The following ANAPC16 variants were observed in gnomAD, a reference collection of about 807,000 sequenced individuals.
ANAPC16 encodes the protein anaphase promoting complex subunit 16, also known as anaphase-promoting complex subunit 16.
Under a neutral mutation model 13.1 loss-of-function variants are expected in ANAPC16, and 6 were observed. That is an observed-to-expected ratio of 0.46 (90% confidence interval 0.25 to 0.90). The LOEUF is 0.90. Ranked by LOEUF, ANAPC16 falls within the 40% of genes least tolerant of loss-of-function variation. ANAPC16 has a pLI of 0.18. For missense variants in ANAPC16, 113 were observed against 131.1 expected (o/e 0.86, Z 0.67); for synonymous variants, 55 against 51.3 (o/e 1.07, Z -0.31).
chr10:72,235,670 G>A lies in ANAPC16; in HGVS notation c.*2554G>A, dbSNP rs1291050675. The A allele has an allele frequency of 6.6e-6, 1 of 152,164 alleles. No homozygotes were observed. The highest frequency in any genetic ancestry group is 1.5e-5 in the Non-Finnish European group (1 of 68,038). The allele number at this position is 152,164 out of a possible 1,614,324, so 9.4% of individuals were successfully genotyped here. A position where few individuals can be genotyped will look rare whatever the true frequency, so the allele number is the denominator to read the frequency against. ...AATAAACCTTTAAATTGGATTTTCAGTGAGAATTTAGAAGCAATCACTACC... is the reference window on the plus strand; with the variant it reads ...AATAAACCTTTAAATTGGATTTTCAATGAGAATTTAGAAGCAATCACTACC... On this transcript the variant is annotated 3_prime_UTR_variant, in exon 4 of 4. Transcript: ENST00000299381.
chr10:72,227,677 C>G (rs1221529416), intron 2 of ANAPC16, among the ~76,000 whole-genome samples: 2 of 151,976 alleles, frequency 1.3e-5, no homozygotes, highest in Non-Finnish European at 2.9e-5. Context: ...ATAGGTGATA[C>G]TATTCTATTA....
chr10:72,217,668 C>T lies in ANAPC16; in HGVS notation c.-28+1530C>T, dbSNP rs1312051244. On this transcript the variant is annotated intron_variant, in intron 1 of 3. Coordinates refer to ENST00000299381, the MANE Select transcript of ANAPC16 (RefSeq NM_173473.4). The stretch of plus-strand genomic sequence containing the variant: ...GAAAAAAGACTCAGTAGTAACTCTC[C>T]GTTAATGACTTTGAATAGCCAAGAT... 2.0e-5 allele frequency among the ~76,000 whole-genome samples: 3 copies of T among 152,002 alleles called. 1 individual carries two copies. Among genetic ancestry groups the T allele is most frequent in the African/African-American group, 7.2e-5 (3 of 41,444 alleles).
At chr10:72,220,325 C>CAAAAAAAAAAAAAAAAAAAAAAA (rs75738117) in intron 1 of ANAPC16, 3 of 63,710 alleles carry the variant, frequency 4.7e-5, no homozygotes, top group African/African-American at 1.6e-4. Flanking sequence ...AACTCCGTCT[C>CAAAAAAAAAAAAAAAAAAAAAAA]AAAAAAAAAA....
At chr10:72,226,910 T>G (rs888222560) in intron 2 of ANAPC16, among the ~76,000 whole-genome samples, 12 of 152,278 alleles carry the variant, frequency 7.9e-5, no homozygotes, top group African/African-American at 2.9e-4. Context: ...CCTTTTTATT[T>G]TCTTTAATTG....
In ANAPC16 at chr10:72,224,064, C is replaced by T. The variant is rs776172325; in HGVS notation, c.142+8C>T. 7.0e-6 allele frequency: 11 copies of T among 1,572,978 alleles called. No homozygotes were observed. The South Asian group carries it at 1.3e-4, about 18-fold the overall frequency. The stretch of plus-strand genomic sequence containing the variant: ...CTGGAGAGATGTTAGAAGGTGATCT[C>T]ATGCTGCTTTCTGAATAATTGGATT... On this transcript the variant is annotated splice_region_variant and intron_variant, in intron 2 of 3. Coordinates refer to ENST00000299381, the MANE Select transcript of ANAPC16 (RefSeq NM_173473.4).
intron 3 of ANAPC16, among the ~76,000 whole-genome samples, chr10:72,231,297 G>T (rs1860293613): frequency 6.6e-6 from 1 of 152,150 alleles, no homozygotes; most frequent in South Asian, 2.1e-4. Flanking sequence ...CAGCACGTTG[G>T]GAGGCTGAAG....
At chr10:72,219,247 A>G (rs548265979) in intron 1 of ANAPC16, among the ~76,000 whole-genome samples, 2 of 152,308 alleles carry the variant, frequency 1.3e-5, no homozygotes, top group South Asian at 2.1e-4. Context: ...GAATTCACTT[A>G]GAGATTTGGA....
chr10:72,217,069 G>A, intron 1 of ANAPC16: 1 of 454,104 alleles, frequency 2.2e-6, no homozygotes, highest in South Asian at 1.6e-5. Context: ...CATCCGAAAT[G>A]CTCGGGACTG....
At chr10:72,227,750 G>C (rs1431726774) in intron 2 of ANAPC16, among the ~76,000 whole-genome samples, 3 of 151,922 alleles carry the variant, frequency 2.0e-5, no homozygotes, top group African/African-American at 7.3e-5. Context: ...GAAAATAGAG[G>C]CCGGGCACGG....
In ANAPC16 at chr10:72,230,360, T is replaced by C; in HGVS notation, c.143-6T>C. The C allele has an allele frequency of 6.2e-7, 1 of 1,613,484 alleles. No homozygotes were observed. The highest frequency in any genetic ancestry group is 8.5e-7 in the Non-Finnish European group (1 of 1,179,504). The stretch of plus-strand genomic sequence containing the variant: ...AGATTAAAACCTTTTCTCCTTTTGT[T>C]TGTAGATGGCTCTGAGAGATTCCTC... On this transcript the variant is annotated splice_polypyrimidine_tract_variant and splice_region_variant and intron_variant, in intron 2 of 3. Coordinates refer to ENST00000299381, the MANE Select transcript of ANAPC16 (RefSeq NM_173473.4).
intron 1 of ANAPC16, among the ~76,000 whole-genome samples, chr10:72,221,861 CT>C (rs1859948760): frequency 6.6e-6 from 1 of 150,958 alleles, no homozygotes. Context: ...TCTCAAGTAG[CT>C]GGGATTACAG....
chr10:72,227,873 A>C (rs1314323823), intron 2 of ANAPC16, among the ~76,000 whole-genome samples: 1 of 144,080 alleles, frequency 6.9e-6, no homozygotes, highest in Non-Finnish European at 1.5e-5. Flanking sequence ...TCTACTAAAA[A>C]TACAAAAAAA....
At chr10:72,232,399 C>A (rs1046087947) in intron 3 of ANAPC16, among the ~76,000 whole-genome samples, 3 of 150,958 alleles carry the variant, frequency 2.0e-5, no homozygotes, top group Admixed American at 2.0e-4. Context: ...AAAAACTTAG[C>A]TGGGCACGAT....
chr10:72,218,940 G>A (rs894753556), intron 1 of ANAPC16, among the ~76,000 whole-genome samples: 3 of 152,200 alleles, frequency 2.0e-5, no homozygotes, highest in Non-Finnish European at 2.9e-5. Flanking sequence ...AAGGGAGTTC[G>A]TTTGATTATA....
Position 72,235,753 on chromosome 10 carries a change from G to A in ANAPC16, c.*2637G>A, listed in dbSNP as rs879258947. The A allele has an allele frequency of 4.5e-4, 68 of 152,152 alleles. No individual in the cohort carries two copies. Among genetic ancestry groups the A allele is most frequent in the African/African-American group, 1.6e-3 (66 of 41,506 alleles). 9.4% of individuals were successfully genotyped at this position (152,152 alleles called of 1,614,324 possible). A position where few individuals can be genotyped will look rare whatever the true frequency, so the allele number is the denominator to read the frequency against. ...AGGCACTGTGTTACATCATCTTTAC[G>A]CTTTGGTATTTGAACTTATTACAGA... is the stretch of plus-strand genomic sequence containing the variant. On this transcript the variant is annotated 3_prime_UTR_variant, in exon 4 of 4. Transcript: ENST00000299381.
chr10:72,232,621 T>A (rs2133697930), intron 3 of ANAPC16, among the ~76,000 whole-genome samples: 1 of 150,824 alleles, frequency 6.6e-6, no homozygotes, highest in South Asian at 2.1e-4. Context: ...TTTTTTTTTT[T>A]TGAGACGGAT....
chr10:72,232,186 CAAAAAA>C lies in ANAPC16; in HGVS notation c.218-793_218-788del, dbSNP rs1194817055. Among the ~76,000 whole-genome samples the C allele has an allele frequency of 1.1e-3, 47 of 43,918 alleles. No homozygotes were observed. The East Asian group carries it at 0.013, about 13-fold the overall frequency. The allele number at this position is 43,918 out of a possible 152,430, so 28.8% of individuals were successfully genotyped here. A position where few individuals can be genotyped will look rare whatever the true frequency, so the allele number is the denominator to read the frequency against. On this transcript the variant is annotated intron_variant, in intron 3 of 3. Transcript: ENST00000299381. ...GGGCAATAAGGGTGAAACTCTGTCT[CAAAAAA>C]AAAAAAAAAAAAAAAAAAAAATTAA...
intron 1 of ANAPC16, among the ~76,000 whole-genome samples, chr10:72,221,314 T>A (rs1859922209): frequency 6.6e-6 from 1 of 152,146 alleles, no homozygotes; most frequent in South Asian, 2.1e-4. Flanking sequence ...AAAGTTATTT[T>A]TAATCTAAAT....
chr10:72,218,161 AAAAAATATATATAT>A (rs1354657526), intron 1 of ANAPC16, among the ~76,000 whole-genome samples: 59 of 40,246 alleles, frequency 1.5e-3, no homozygotes, highest in Middle Eastern at 0.012. Flanking sequence ...AAAAAAAAAA[AAAAAATATATATAT>A]ATATATATAT....
Sources: allele counts gnomAD v4.1 joint callset (sites outside exome capture counted in the v4.1 genomes callset), GRCh38; gene constraint gnomAD v4.1.1; transcripts MANE v1.5; gene names NCBI Gene and HGNC (gene_info 2026-07-23, HGNC 2026-07-21).